Variants in PTPRN2 observed in about 807,000 individuals in gnomAD.
The protein encoded by PTPRN2 is protein tyrosine phosphatase receptor type N2.
PTPRN2 carries 74 observed loss-of-function variants against 118.8 expected under a neutral mutation model. That is an observed-to-expected ratio of 0.62 (90% CI 0.52 to 0.76). The LOEUF is 0.76. PTPRN2 is among the 30% of genes least tolerant of loss of function. The pLI is 0.00. For synonymous variants in PTPRN2, 641 were observed against 608.0 expected (o/e 1.05, Z -0.80); for missense variants, 1,481 against 1,394.4 (o/e 1.06, Z -0.99).
chr7:158,372,803 A>AAT (rs1810180625), intron 2 of PTPRN2, among the ~76,000 whole-genome samples: 2 of 152,164 alleles, frequency 1.3e-5, no homozygotes, highest in African/African-American at 4.8e-5. Flanking sequence ...TGCAGGAAAA[A>AAT]ATATATATAT....
chr7:158,566,750 CTG>C (rs1827695805), intron 1 of PTPRN2, among the ~76,000 whole-genome samples: 1 of 152,264 alleles, frequency 6.6e-6, no homozygotes, highest in African/African-American at 2.4e-5. Context: ...GAGTCTCACT[CTG>C]TCACCCAGGC....
intron 3 of PTPRN2, among the ~76,000 whole-genome samples, chr7:158,234,508 G>T (rs142374507): frequency 0.01 from 1,523 of 147,248 alleles, 13 homozygotes; most frequent in Non-Finnish European, 0.014. Context: ...ATGGCCAACA[G>T]ATATAGTCAT....
At chr7:158,308,943 T>C (rs570763045) in intron 3 of PTPRN2, among the ~76,000 whole-genome samples, 2 of 152,086 alleles carry the variant, frequency 1.3e-5, no homozygotes, top group Non-Finnish European at 2.9e-5. Context: ...AATAGAAAAT[T>C]TGAATATGCC....
rs1288263022 is a variant in PTPRN2 at position 158,110,912 on chromosome 7, G to C, written c.1560C>G (p.Pro520=). The change falls in exon 10 of 23, where the codon CCC becomes CCG. Residue 520 remains proline, a synonymous_variant. Coordinates refer to ENST00000389418, the MANE Select transcript of PTPRN2 (RefSeq NM_002847.5). Reference sequence around the variant, plus strand: ...GCCGCCTTCCTTCCTCGGGGCGCAGGGGGCTGCGGATGACAGCAGGGATGG... The same window carrying C: ...GCCGCCTTCCTTCCTCGGGGCGCAGCGGGCTGCGGATGACAGCAGGGATGG... ...ARGYIVTDRD[P]LRPEEGRRLV... 1 of 1,560,292 alleles carries C rather than the reference G, an allele frequency of 6.4e-7. No homozygotes were observed. Among genetic ancestry groups the C allele is most frequent in the Non-Finnish European group, 8.7e-7 (1 of 1,153,996 alleles).
chr7:158,341,410 G>A lies in PTPRN2; in HGVS notation c.164-24478C>T, dbSNP rs554015216. Among the ~76,000 whole-genome samples, 546 of 143,722 alleles carry A rather than the reference G, an allele frequency of 3.8e-3. 2 individuals are homozygous for A. Among genetic ancestry groups the A allele is most frequent in the Middle Eastern group, 0.019 (4 of 210 alleles). 94.3% of individuals were successfully genotyped at this position (143,722 alleles called of 152,430 possible). A position where few individuals can be genotyped will look rare whatever the true frequency, so the allele number is the denominator to read the frequency against. On this transcript the variant is annotated intron_variant, in intron 2 of 22. Coordinates refer to ENST00000389418, the MANE Select transcript of PTPRN2 (RefSeq NM_002847.5). ...ACTCTCACCATAAGAGCTGTCGCCC[G>A]CAGAGGTCACTCACACCCACACTCT... is the stretch of plus-strand genomic sequence containing the variant.
chr7:158,260,034 C>T (rs532132537), intron 3 of PTPRN2, among the ~76,000 whole-genome samples: 10 of 142,618 alleles, frequency 7.0e-5, no homozygotes, highest in East Asian at 2.0e-4. Flanking sequence ...CATGTATGTG[C>T]GTTTGTGTGT....
chr7:158,135,456 TTAAA>T (rs56275242), intron 8 of PTPRN2, among the ~76,000 whole-genome samples: 48,487 of 151,772 alleles, frequency 0.32, 7,928 homozygotes, highest in East Asian at 0.5. Flanking sequence ...AAAGATGTTT[TTAAA>T]TAAATAAGAA....
rs186434538 is a variant in PTPRN2 at position 157,924,039 on chromosome 7, C to T, written c.1724-25302G>A. Among the ~76,000 whole-genome samples, 96 of 152,128 alleles carry T rather than the reference C, an allele frequency of 6.3e-4. No homozygotes were observed. The East Asian group carries it at 0.016, about 26-fold the overall frequency. On this transcript the variant is annotated intron_variant, in intron 11 of 22. Transcript: ENST00000389418. Reference sequence around the variant, plus strand: ...AGACCCCATGGGCACCCATAGCAGACGGCAGGGATGGGACAATGGGGGATG... The same window carrying T: ...AGACCCCATGGGCACCCATAGCAGATGGCAGGGATGGGACAATGGGGGATG...
rs533293344 is a variant in PTPRN2 at position 157,977,470 on chromosome 7, C to A, written c.1724-78733G>T. ...GCCTGAATGCCAAGAGCCACCTGGG[C>A]AAATGTGGGATTGTGCCTGGCAGGT... On this transcript the variant is annotated intron_variant, in intron 11 of 22. Transcript: ENST00000389418. This position sits in a 1 kb window ranked among gnomAD's most constrained non-coding sequence, Gnocchi z 4.6. 2.2e-3 allele frequency among the ~76,000 whole-genome samples: 331 copies of A among 152,026 alleles called. 3 individuals are homozygous for A. Among genetic ancestry groups the A allele is most frequent in the African/African-American group, 7.6e-3 (314 of 41,546 alleles).
chr7:158,550,895 C>G (rs1443223262), intron 1 of PTPRN2, among the ~76,000 whole-genome samples: 1 of 152,194 alleles, frequency 6.6e-6, no homozygotes, highest in Admixed American at 6.5e-5. Context: ...CTTCCCTTCA[C>G]GCTTTCCTTC....
intron 5 of PTPRN2, among the ~76,000 whole-genome samples, chr7:158,172,805 C>A (rs1278480530): frequency 6.7e-6 from 1 of 149,120 alleles, no homozygotes; most frequent in African/African-American, 2.5e-5. Context: ...TCTTCACCAT[C>A]AGCATCATCC....
intron 14 of PTPRN2, among the ~76,000 whole-genome samples, chr7:157,651,205 T>C (rs1205400720): frequency 6.6e-6 from 1 of 152,234 alleles, no homozygotes; most frequent in African/African-American, 2.4e-5. Context: ...GGGAAATCTT[T>C]GGTCACTTCC....
rs116736417 is a variant in PTPRN2 at position 157,941,560 on chromosome 7, T to C, written c.1724-42823A>G. On this transcript the variant is annotated intron_variant, in intron 11 of 22. Coordinates refer to ENST00000389418, the MANE Select transcript of PTPRN2 (RefSeq NM_002847.5). ...TCAGTAGACCCAGGTCTCTGGGTAC[T>C]TGAAACCAGAGCAGCCACAGCAAGC... Among the ~76,000 whole-genome samples, 1,028 of 152,226 alleles carry C rather than the reference T, an allele frequency of 6.8e-3. 13 individuals are homozygous for C. The highest frequency in any genetic ancestry group is 0.023 in the African/African-American group (971 of 41,532).
rs1461794702 is a variant in PTPRN2, at chr7:157,764,890, CCCAT to C, written c.1789-81957_1789-81954del. Among the ~76,000 whole-genome samples, 1 of 150,916 alleles carries C rather than the reference CCCAT, an allele frequency of 6.6e-6. No homozygotes were observed. Among genetic ancestry groups the C allele is most frequent in the East Asian group, 2.0e-4 (1 of 5,126 alleles). ...CATCCATCCTTCCATCCTTCATCCACCCATCCATCTACCCATCCATCCATCCATT... is the reference window on the plus strand; with the variant it reads ...CATCCATCCTTCCATCCTTCATCCACCCATCTACCCATCCATCCATCCATT... On this transcript the variant is annotated intron_variant, in intron 12 of 22. Transcript: ENST00000389418. The surrounding 1 kb of genome is among the most constrained non-coding windows in gnomAD (Gnocchi z 4.5).
chr7:157,904,260 A>C (rs1430588207), intron 11 of PTPRN2, among the ~76,000 whole-genome samples: 2 of 152,180 alleles, frequency 1.3e-5, no homozygotes, highest in African/African-American at 2.4e-5. Context: ...GATTCTCCTG[A>C]TTTCTTGTTT....
chr7:158,002,886 C>G (rs1433187957), intron 11 of PTPRN2, among the ~76,000 whole-genome samples: 1 of 152,194 alleles, frequency 6.6e-6, no homozygotes, highest in East Asian at 1.9e-4. Flanking sequence ...CACGGCTGGG[C>G]TGGATCTCAT....
chr7:158,152,016 A>T (rs1821231155), intron 6 of PTPRN2, among the ~76,000 whole-genome samples: 2 of 152,194 alleles, frequency 1.3e-5, no homozygotes, highest in Admixed American at 1.3e-4. Context: ...TACTAAAAAT[A>T]CAAAAAAATT....
In PTPRN2 at chr7:158,563,084, T is replaced by C. The variant is rs1205262844; in HGVS notation, c.112+24474A>G. Among the ~76,000 whole-genome samples the C allele has an allele frequency of 6.6e-6, 1 of 152,140 alleles. No individual in the cohort carries two copies. The highest frequency in any genetic ancestry group is 2.4e-5 in the African/African-American group (1 of 41,432). On this transcript the variant is annotated intron_variant, in intron 1 of 22. Coordinates refer to ENST00000389418, the MANE Select transcript of PTPRN2 (RefSeq NM_002847.5). This position sits in a 1 kb window ranked among gnomAD's most constrained non-coding sequence, Gnocchi z 5.1. ...AACCACGGCCACAGCCTCGTCCACA[T>C]AGAGCCTCTCGAAGCCTTGCACGGA...
At chr7:157,913,131 T>A (rs566257225) in intron 11 of PTPRN2, among the ~76,000 whole-genome samples, 78 of 152,384 alleles carry the variant, frequency 5.1e-4, no homozygotes, top group Non-Finnish European at 9.4e-4. Flanking sequence ...AAAAGTCTTA[T>A]ATATTTAACA....
Sources: gnomAD v4.1 joint callset for allele counts (sites outside exome capture counted in the v4.1 genomes callset) on GRCh38, gnomAD v4.1.1 for gene constraint, Gnocchi (gnomAD v3.1) non-coding constraint, MANE v1.5 for transcripts, NCBI Gene and HGNC (gene_info 2026-07-23, HGNC 2026-07-21) for gene names.